PALS2: variants seen among roughly 807,000 people sequenced by gnomAD.
PALS2 encodes protein PALS2.
A neutral mutation model predicts 61.6 loss-of-function variants in PALS2; 27 were observed. The ratio of observed to expected loss-of-function variants is 0.44; its 90% CI spans 0.32 to 0.60. The LOEUF is 0.60. PALS2 is among the 20% of genes least tolerant of loss of function. The probability of loss-of-function intolerance (pLI) is 0.05; values close to 1 mark genes in which losing one functional copy is unlikely to be tolerated. For missense variants in PALS2, 554 were observed against 639.4 expected (o/e 0.87, Z 1.44); for synonymous variants, 236 against 218.6 (o/e 1.08, Z -0.70).
At position 24,606,983 on chromosome 7, in the gene PALS2, A is replaced by G. The variant is rs372536034; in HGVS notation, c.-2-16683A>G. Among the ~76,000 whole-genome samples, 15 of 152,282 alleles carry G rather than the reference A, an allele frequency of 9.9e-5. 1 individual carries two copies. Among genetic ancestry groups the G allele is most frequent in the Admixed American group, 7.2e-4 (11 of 15,266 alleles). ...TTGTGCATGAAACAAAGTTTTGACT[A>G]TGACCTGTCACGTGAGGTCAGGTGT... On this transcript the variant is annotated intron_variant, in intron 1 of 11. Transcript: ENST00000222644.
chr7:24,683,918 T>C (rs998949021), intron 11 of PALS2, among the ~76,000 whole-genome samples: 1 of 152,206 alleles, frequency 6.6e-6, no homozygotes, highest in African/African-American at 2.4e-5. Flanking sequence ...CTCATAACAC[T>C]GGAAATGTTA....
intron 5 of PALS2, among the ~76,000 whole-genome samples, chr7:24,654,116 A>G (rs1583954689): frequency 1.3e-5 from 2 of 152,160 alleles, no homozygotes; most frequent in South Asian, 2.1e-4. Flanking sequence ...AGACCCTTGG[A>G]CACTGCTTTT....
intron 1 of PALS2, among the ~76,000 whole-genome samples, chr7:24,603,209 A>C (rs1783779448): frequency 6.6e-6 from 1 of 152,178 alleles, no homozygotes; most frequent in South Asian, 2.1e-4. Context: ...TATTTTTGTC[A>C]TAGCAGCCTG....
At chr7:24,612,302 C>G (rs1275118838) in intron 1 of PALS2, among the ~76,000 whole-genome samples, 1 of 151,858 alleles carries the variant, frequency 6.6e-6, no homozygotes, top group Non-Finnish European at 1.5e-5. Context: ...GAAGATTTGT[C>G]TGTTCCTATG....
chr7:24,657,150 A>AT (rs1046889655), intron 5 of PALS2, among the ~76,000 whole-genome samples: 8 of 152,182 alleles, frequency 5.3e-5, no homozygotes, highest in Admixed American at 2.6e-4. Context: ...GCTGATGAAC[A>AT]TTTTTTTGTT....
intron 11 of PALS2, among the ~76,000 whole-genome samples, chr7:24,685,538 G>A (rs1020348866): frequency 6.6e-6 from 1 of 151,574 alleles, no homozygotes; most frequent in African/African-American, 2.4e-5. Flanking sequence ...TGTACAAAAT[G>A]TGCCTGCATT....
intron 2 of PALS2, among the ~76,000 whole-genome samples, chr7:24,641,105 AC>A (rs1269667328): frequency 6.6e-6 from 1 of 151,534 alleles, no homozygotes; most frequent in African/African-American, 2.4e-5. Context: ...TAAGAAAAAA[AC>A]AACTTTACTT....
Position 24,690,145 on chromosome 7 carries a change from A to G in PALS2, c.*2531A>G, listed in dbSNP as rs1330404741. 1 of 152,224 alleles carries G rather than the reference A, an allele frequency of 6.6e-6. No homozygotes were observed. Among genetic ancestry groups the G allele is most frequent in the Non-Finnish European group, 1.5e-5 (1 of 68,040 alleles). 9.4% of individuals were successfully genotyped at this position (152,224 alleles called of 1,614,324 possible). ...GATGCAGTTTAGTTCATTTCAGTCT[A>G]GATGCCCGTACTAACAAGAATACAG... is the stretch of plus-strand genomic sequence containing the variant. On this transcript the variant is annotated 3_prime_UTR_variant, in exon 12 of 12. Coordinates refer to ENST00000222644, the MANE Select transcript of PALS2 (RefSeq NM_001303037.2).
At chr7:24,595,519 A>G (rs1783478483) in intron 1 of PALS2, among the ~76,000 whole-genome samples, 1 of 86,718 alleles carries the variant, frequency 1.2e-5, no homozygotes, top group Non-Finnish European at 2.0e-5. Flanking sequence ...AATATATAAT[A>G]TATATAATAT....
intron 11 of PALS2, among the ~76,000 whole-genome samples, chr7:24,681,851 T>A (rs1417399250): frequency 6.6e-6 from 1 of 152,166 alleles, no homozygotes; most frequent in African/African-American, 2.4e-5. Flanking sequence ...TGCCATGAAA[T>A]CAGGTAGTAT....
At chr7:24,671,466 C>G (rs1001725697) in intron 9 of PALS2, among the ~76,000 whole-genome samples, 10 of 152,156 alleles carry the variant, frequency 6.6e-5, no homozygotes, top group Admixed American at 3.3e-4. Context: ...AATATTTTCT[C>G]TCATTCTTTG....
intron 1 of PALS2, among the ~76,000 whole-genome samples, chr7:24,601,195 C>A (rs79448692): frequency 0.063 from 9,574 of 152,110 alleles, 352 homozygotes; most frequent in African/African-American, 0.093. Flanking sequence ...CTCTTCCAAT[C>A]CCTCAGTTCT....
rs764507213 is a variant in PALS2 at position 24,680,384 on chromosome 7, T to C, written c.1318-8T>C. The C allele has an allele frequency of 1.9e-6, 3 of 1,609,964 alleles. No individual in the cohort carries two copies. Among genetic ancestry groups the C allele is most frequent in the Non-Finnish European group, 2.5e-6 (3 of 1,176,594 alleles). On this transcript the variant is annotated splice_region_variant and splice_polypyrimidine_tract_variant and intron_variant, in intron 10 of 11. Transcript: ENST00000222644. Reference sequence around the variant, plus strand: ...TATAAATTGGCTTATAATTATTCTTTTACACAGGCACTGAAAGTATTGAGG... The same window carrying C: ...TATAAATTGGCTTATAATTATTCTTCTACACAGGCACTGAAAGTATTGAGG...
chr7:24,668,963 T>C (rs919560305), intron 9 of PALS2, among the ~76,000 whole-genome samples: 2 of 152,206 alleles, frequency 1.3e-5, no homozygotes, highest in Non-Finnish European at 2.9e-5. Flanking sequence ...TAGGATTTTC[T>C]TGTACTGATG....
intron 11 of PALS2, among the ~76,000 whole-genome samples, chr7:24,682,073 T>C (rs1463057484): frequency 6.6e-6 from 1 of 152,224 alleles, no homozygotes; most frequent in African/African-American, 2.4e-5. Flanking sequence ...AGCTTTGTTC[T>C]AGGATGCAGT....
chr7:24,624,172 C>T (rs1357294061), intron 2 of PALS2: 6 of 1,239,994 alleles, frequency 4.8e-6, no homozygotes, highest in African/African-American at 4.7e-5. Context: ...TTCTTGACTT[C>T]CTTTATCTAG....
At chr7:24,624,128 T>C in intron 2 of PALS2, 1 of 1,307,680 alleles carries the variant, frequency 7.6e-7, no homozygotes, top group East Asian at 5.4e-5. Flanking sequence ...TTTTCTTCTT[T>C]TGCATTAGAC....
At chr7:24,609,853 C>G (rs1784051593) in intron 1 of PALS2, among the ~76,000 whole-genome samples, 1 of 152,172 alleles carries the variant, frequency 6.6e-6, no homozygotes, top group East Asian at 1.9e-4. Context: ...GAATGACTGC[C>G]CCTCCACTGT....
intron 11 of PALS2, among the ~76,000 whole-genome samples, chr7:24,683,006 ACAT>A (rs1191373733): frequency 6.6e-6 from 1 of 152,204 alleles, no homozygotes; most frequent in Non-Finnish European, 1.5e-5. Context: ...TGTTTTATTA[ACAT>A]CATGAGGCAT....
Sources: allele counts gnomAD v4.1 joint callset (sites outside exome capture counted in the v4.1 genomes callset), GRCh38; gene constraint gnomAD v4.1.1; transcripts MANE v1.5; gene names NCBI Gene and HGNC (gene_info 2026-07-23, HGNC 2026-07-21).